Variants in ACACA observed in about 807,000 individuals in gnomAD.
ACACA encodes the protein acetyl-CoA carboxylase alpha, also known as acetyl-CoA carboxylase 1.
In ACACA, 103 loss-of-function variants were observed where a neutral mutation model predicts 296.1. The observed-to-expected ratio is 0.35, with a 90% CI of 0.30 to 0.41. The LOEUF (loss-of-function observed/expected upper bound fraction) is 0.41. Ranked by LOEUF, ACACA falls within the 10% of genes least tolerant of loss-of-function variation. The pLI, the probability that ACACA is intolerant of heterozygous loss-of-function variation, is 1.00. For synonymous variants in ACACA, 953 were observed against 1,038.6 expected, an observed-to-expected ratio of 0.92 and a Z score of 1.58; for missense variants, 1,554 against 2,989.7, an observed-to-expected ratio of 0.52 and a Z score of 11.20.
intron 1 of ACACA, among the ~76,000 whole-genome samples, chr17:37,394,309 C>T (rs1174066469): frequency 6.6e-6 from 1 of 151,512 alleles, no homozygotes; most frequent in Admixed American, 6.6e-5. Context: ...TTCCCGGGTT[C>T]AAACTATTCT....
chr17:37,094,641 T>C (rs1280054101), intron 54 of ACACA, among the ~76,000 whole-genome samples: 1 of 150,910 alleles, frequency 6.6e-6, no homozygotes, highest in Non-Finnish European at 1.5e-5. Flanking sequence ...CAGATGGCTT[T>C]TGAACACTGC....
At chr17:37,373,158 C>T (rs747670465) in intron 1 of ACACA, among the ~76,000 whole-genome samples, 4 of 152,062 alleles carry the variant, frequency 2.6e-5, no homozygotes, top group Non-Finnish European at 5.9e-5. Context: ...GGATTATGGG[C>T]GTGAGCCACG....
chr17:37,248,657 G>A lies in ACACA; in HGVS notation c.2099C>T (p.Ala700Val). Residue 700 changes from alanine to valine, a missense_variant, in exon 17 of 56, where the codon GCT becomes GTT. Transcript: ENST00000616317. Reference sequence around the variant, plus strand: ...ATCTACTGTATTCAGAAGTGTATGAGCAGGAAGGACTTGACCCCTGAAAGA... The same window carrying A: ...ATCTACTGTATTCAGAAGTGTATGAACAGGAAGGACTTGACCCCTGAAAGA... ...HSLERGQVLPAHTLLNTVDVE... is the reference protein window; with the variant it reads ...HSLERGQVLPVHTLLNTVDVE... The A allele has an allele frequency of 6.2e-7, 1 of 1,610,512 alleles. No homozygotes were observed. Among genetic ancestry groups the A allele is most frequent in the Non-Finnish European group, 8.5e-7 (1 of 1,177,418 alleles).
chr17:37,167,270 C>CTTT (rs11387933), intron 41 of ACACA, among the ~76,000 whole-genome samples: 5 of 105,552 alleles, frequency 4.7e-5, no homozygotes, highest in Non-Finnish European at 7.6e-5. Flanking sequence ...ATGGTATTTT[C>CTTT]TTTTTTTTTT....
chr17:37,207,539 CT>C, intron 31 of ACACA, 117 bp downstream of exon 31: 2 of 1,268,792 alleles, frequency 1.6e-6, no homozygotes, highest in Non-Finnish European at 1.1e-6. Flanking sequence ...AGGGTTACAT[CT>C]TTTTAGCTGG....
chr17:37,141,849 G>A (rs1242716703), intron 45 of ACACA, among the ~76,000 whole-genome samples: 3 of 151,762 alleles, frequency 2.0e-5, no homozygotes, highest in Non-Finnish European at 4.4e-5. Flanking sequence ...GTGCCACCAC[G>A]CCTGGCTAAT....
At chr17:37,393,338 G>GA (rs539709678) in intron 1 of ACACA, among the ~76,000 whole-genome samples, 6 of 151,604 alleles carry the variant, frequency 4.0e-5, no homozygotes, top group Admixed American at 2.0e-4. Context: ...AAAATAGGAA[G>GA]AAAAAAAATG....
rs758296455 is a variant in ACACA, at chr17:37,258,331, T to C, written c.1543A>G (p.Met515Val). ...IPLYRIKDIRMMYGVSPWGDS... is the reference protein window; with the variant it reads ...IPLYRIKDIRVMYGVSPWGDS... ...CCCCAGGGAGATACCCCATACATCA[T>C]ACGGATATCCTTGATTCTATATAGA... Residue 515 changes from methionine (M) to valine (V), a missense_variant, in exon 13 of 56, where the codon ATG becomes GTG. Physicochemically the swap from Met to Val is conservative, Grantham distance 21. Coordinates refer to ENST00000616317, the MANE Select transcript of ACACA (RefSeq NM_198834.3). 2 of 1,613,954 alleles carry C rather than the reference T, an allele frequency of 1.2e-6. No individual in the cohort carries two copies. Among genetic ancestry groups the C allele is most frequent in the South Asian group, 1.1e-5 (1 of 91,086 alleles).
intron 41 of ACACA, among the ~76,000 whole-genome samples, chr17:37,165,364 C>A (rs1425801549): frequency 6.6e-6 from 1 of 152,044 alleles, no homozygotes; most frequent in African/African-American, 2.4e-5. Flanking sequence ...CAAATCCAGG[C>A]GCTATCACTT....
At chr17:37,143,676 C>T in intron 45 of ACACA, 1 of 888,782 alleles carries the variant, frequency 1.1e-6, no homozygotes, top group Non-Finnish European at 1.8e-6. Context: ...GTGCTAGAAC[C>T]AACTTATTCA....
chr17:37,107,743 TGA>T (rs956543003), intron 52 of ACACA, among the ~76,000 whole-genome samples: 2 of 152,256 alleles, frequency 1.3e-5, no homozygotes, highest in Admixed American at 1.3e-4. Context: ...CTCTTCATTT[TGA>T]GAGAGAGGGA....
At chr17:37,382,961 C>T (rs566168915) in intron 1 of ACACA, among the ~76,000 whole-genome samples, 7 of 152,192 alleles carry the variant, frequency 4.6e-5, no homozygotes, top group South Asian at 4.2e-4. Context: ...GACTTGAACC[C>T]GGGAGGCGGA....
At chr17:37,317,563 GA>G (rs895994764) in intron 3 of ACACA, among the ~76,000 whole-genome samples, 6 of 150,386 alleles carry the variant, frequency 4.0e-5, no homozygotes, top group Non-Finnish European at 7.4e-5. Flanking sequence ...ACTCTATCTG[GA>G]AAAAAAAACT....
At chr17:37,228,318 G>A (rs1211998158) in intron 25 of ACACA, among the ~76,000 whole-genome samples, 2 of 150,898 alleles carry the variant, frequency 1.3e-5, no homozygotes, top group Admixed American at 1.3e-4. Context: ...CATATGATGG[G>A]AGTTATAATT....
intron 40 of ACACA, among the ~76,000 whole-genome samples, chr17:37,180,770 C>G (rs1373460610): frequency 6.6e-6 from 1 of 152,178 alleles, no homozygotes; most frequent in Non-Finnish European, 1.5e-5. Flanking sequence ...TCTATGCTAT[C>G]TATATTGATT....
Position 37,173,999 on chromosome 17 carries a change from TATATATATATATATATATATA to T in ACACA, c.5079+5240_5079+5260del, listed in dbSNP as rs1250414723. Among the ~76,000 whole-genome samples the T allele has an allele frequency of 2.8e-3, 30 of 10,610 alleles. 2 individuals carry two copies. The highest frequency in any genetic ancestry group is 0.016 in the African/African-American group (26 of 1,632). The allele number at this position is 10,610 out of a possible 152,430, so 7.0% of individuals were successfully genotyped here. ...TGGCTAATTTATATATATATATATA[TATATATATATATATATATATA>T]TTTTTTTTTTTTTTTTTTTTTGTAG... On this transcript the variant is annotated intron_variant, in intron 41 of 55. Coordinates refer to ENST00000616317, the MANE Select transcript of ACACA (RefSeq NM_198834.3).
intron 3 of ACACA, among the ~76,000 whole-genome samples, chr17:37,315,933 AAAGTTCC>A (rs1219502416): frequency 2.6e-5 from 4 of 152,134 alleles, no homozygotes; most frequent in Non-Finnish European, 4.4e-5. Flanking sequence ...AGCAGACTTG[AAAGTTCC>A]AATTCTCTAA....
In ACACA at chr17:37,270,871, G is replaced by T; in HGVS notation, c.1009-10C>A. 1 of 1,589,574 alleles carries T rather than the reference G, an allele frequency of 6.3e-7. No homozygotes were observed. On this transcript the variant is annotated splice_polypyrimidine_tract_variant and intron_variant, in intron 9 of 55. Transcript: ENST00000616317. Reference sequence around the variant, plus strand: ...CAACTTCCTCAGCTGCCTTCAAAAAGAAAGAAAAAAAAAATAGAAGAAACA... The same window carrying T: ...CAACTTCCTCAGCTGCCTTCAAAAATAAAGAAAAAAAAAATAGAAGAAACA...
intron 3 of ACACA, among the ~76,000 whole-genome samples, chr17:37,324,704 G>A (rs144178037): frequency 0.13 from 18,210 of 144,542 alleles, 1,715 homozygotes; most frequent in East Asian, 0.45. Context: ...GCATGGTGGC[G>A]CATACCTGTA....
Sources: allele counts gnomAD v4.1 joint callset (sites outside exome capture counted in the v4.1 genomes callset), GRCh38; gene constraint gnomAD v4.1.1; transcripts MANE v1.5; gene names NCBI Gene and HGNC (gene_info 2026-07-23, HGNC 2026-07-21).